Variants in FAM110B observed in about 807,000 individuals in gnomAD.
FAM110B encodes the protein family with sequence similarity 110 member B.
FAM110B carries 6 observed loss-of-function variants against 20.4 expected under a neutral mutation model. The observed-to-expected ratio is 0.29, with a 90% CI of 0.16 to 0.58. The LOEUF (loss-of-function observed/expected upper bound fraction) is 0.58. Among genes scored for constraint, FAM110B ranks in the 20% least tolerant of loss-of-function variants. The pLI, the probability that FAM110B is intolerant of heterozygous loss-of-function variation, is 0.90. For missense variants in FAM110B, 434 were observed against 498.2 expected (o/e 0.87, Z 1.23); for synonymous variants, 226 against 214.1 (o/e 1.06, Z -0.49).
intron 1 of FAM110B, among the ~76,000 whole-genome samples, chr8:58,011,817 G>C (rs1804542024): frequency 6.6e-6 from 1 of 152,158 alleles, no homozygotes. Flanking sequence ...CCCATCCATG[G>C]CTTTGCTTCC....
chr8:58,037,506 T>G (rs142755448), intron 2 of FAM110B, among the ~76,000 whole-genome samples: 233 of 151,806 alleles, frequency 1.5e-3, no homozygotes, highest in Non-Finnish European at 3.0e-3. Flanking sequence ...TAGTGTGTGG[T>G]GCACGCCTAT....
chr8:58,071,132 T>A (rs932045246), intron 2 of FAM110B, among the ~76,000 whole-genome samples: 2 of 152,106 alleles, frequency 1.3e-5, no homozygotes, highest in Admixed American at 6.6e-5. Flanking sequence ...AATTTTTTCC[T>A]GAAAATTGAT....
At chr8:58,015,866 A>G in intron 1 of FAM110B, among the ~76,000 whole-genome samples, 1 of 151,760 alleles carries the variant, frequency 6.6e-6, no homozygotes, top group East Asian at 1.9e-4. Flanking sequence ...AAAAAGAAAA[A>G]GAAAAAAGGC....
chr8:58,060,891 C>A (rs1805644126), intron 2 of FAM110B, among the ~76,000 whole-genome samples: 1 of 152,058 alleles, frequency 6.6e-6, no homozygotes, highest in Non-Finnish European at 1.5e-5. Context: ...TCAGCGAGAC[C>A]CACCATGACT....
At position 58,108,273 on chromosome 8, in the gene FAM110B, A is replaced by G. The variant is rs117772413; in HGVS notation, c.-325+32650A>G. Reference sequence around the variant, plus strand: ...AAAATGTTGATTTTGAAGATCCTTTACTAATTCACAAATTCTGGTTGTTTT... The same window carrying G: ...AAAATGTTGATTTTGAAGATCCTTTGCTAATTCACAAATTCTGGTTGTTTT... On this transcript the variant is annotated intron_variant, in intron 3 of 3. Transcript: ENST00000519262. Among the ~76,000 whole-genome samples the G allele has an allele frequency of 4.9e-3, 742 of 152,340 alleles. 2 individuals carry two copies. The highest frequency in any genetic ancestry group is 8.8e-3 in the Admixed American group (135 of 15,296).
chr8:58,035,505 A>G (rs1411237080), intron 2 of FAM110B, among the ~76,000 whole-genome samples: 1 of 152,234 alleles, frequency 6.6e-6, no homozygotes, highest in Non-Finnish European at 1.5e-5. Context: ...GTTTTAAAGA[A>G]AAGAGTATGC....
intron 3 of FAM110B, among the ~76,000 whole-genome samples, chr8:58,085,220 G>A (rs905820176): frequency 6.6e-6 from 1 of 152,136 alleles, no homozygotes; most frequent in Non-Finnish European, 1.5e-5. Flanking sequence ...TTGTAAAGCT[G>A]ATGCACATGT....
At position 58,031,677 on chromosome 8, in the gene FAM110B, C is replaced by T. The variant is rs1425780163; in HGVS notation, c.-440C>T. 1 of 152,118 alleles carries T rather than the reference C, an allele frequency of 6.6e-6. No individual in the cohort carries two copies. The highest frequency in any genetic ancestry group is 1.5e-5 in the Non-Finnish European group (1 of 68,018). The allele number at this position is 152,118 out of a possible 1,614,324, so 9.4% of individuals were successfully genotyped here. On this transcript the variant is annotated 5_prime_UTR_variant, in exon 2 of 4. Transcript: ENST00000519262. ...GTCTTGAATTAGAAACTATCAAGCT[C>T]TGTAAGTCCTGAAAAGGAAATAAAA...
At chr8:58,092,446 C>G (rs1304134203) in intron 3 of FAM110B, among the ~76,000 whole-genome samples, 2 of 152,132 alleles carry the variant, frequency 1.3e-5, no homozygotes, top group Non-Finnish European at 1.5e-5. Context: ...CTCCCTGTGT[C>G]CATGTGTTCT....
chr8:58,025,879 G>A (rs1386176835), intron 1 of FAM110B, among the ~76,000 whole-genome samples: 1 of 152,046 alleles, frequency 6.6e-6, no homozygotes, highest in Non-Finnish European at 1.5e-5. Flanking sequence ...ATATTTTTAG[G>A]TCCATGTCCT....
At chr8:58,028,908 C>T (rs1474800066) in intron 1 of FAM110B, among the ~76,000 whole-genome samples, 4 of 152,226 alleles carry the variant, frequency 2.6e-5, no homozygotes, top group Admixed American at 2.0e-4. Context: ...GACACACTCA[C>T]AGTTACACTC....
intron 2 of FAM110B, among the ~76,000 whole-genome samples, chr8:58,073,741 G>T (rs1334182243): frequency 6.6e-6 from 1 of 152,196 alleles, no homozygotes; most frequent in Non-Finnish European, 1.5e-5. Context: ...TTGGCTGCAT[G>T]TAGACTCCTG....
chr8:58,058,272 A>C (rs1292806190), intron 2 of FAM110B, among the ~76,000 whole-genome samples: 2 of 152,248 alleles, frequency 1.3e-5, no homozygotes, highest in East Asian at 3.9e-4. Context: ...GATTATTTTT[A>C]AAGACTTCTT....
intron 1 of FAM110B, among the ~76,000 whole-genome samples, chr8:58,004,795 C>T (rs977474627): frequency 6.6e-6 from 1 of 152,168 alleles, no homozygotes; most frequent in Admixed American, 6.5e-5. Flanking sequence ...TTCAATTATT[C>T]CTTTGCAGCT....
chr8:58,062,997 C>T (rs1805688321), intron 2 of FAM110B, among the ~76,000 whole-genome samples: 1 of 152,138 alleles, frequency 6.6e-6, no homozygotes, highest in Non-Finnish European at 1.5e-5. Context: ...CAATTCTGAG[C>T]TGAACTTTTG....
intron 3 of FAM110B, among the ~76,000 whole-genome samples, chr8:58,103,362 C>T (rs1056859295): frequency 6.7e-6 from 1 of 149,162 alleles, no homozygotes; most frequent in African/African-American, 2.5e-5. Context: ...GTGATGTTCC[C>T]CTTCCTGTGT....
chr8:58,129,559 G>C (rs532265582), intron 3 of FAM110B, among the ~76,000 whole-genome samples: 110 of 152,338 alleles, frequency 7.2e-4, no homozygotes, highest in African/African-American at 2.5e-3. Context: ...CTGGAGGAAA[G>C]GAAGGCGCTG....
intron 3 of FAM110B, among the ~76,000 whole-genome samples, chr8:58,125,168 G>T (rs914383767): frequency 1.3e-5 from 2 of 152,042 alleles, no homozygotes; most frequent in Admixed American, 1.3e-4. Flanking sequence ...GAGCAACATG[G>T]CAAGACCCTT....
At chr8:58,068,172 G>C (rs1563357435) in intron 2 of FAM110B, among the ~76,000 whole-genome samples, 1 of 152,230 alleles carries the variant, frequency 6.6e-6, no homozygotes, top group Non-Finnish European at 1.5e-5. Flanking sequence ...CCTTCAGGGA[G>C]CTGTGCCTTA....
Sources: allele counts gnomAD v4.1 joint callset (sites outside exome capture counted in the v4.1 genomes callset), GRCh38; gene constraint gnomAD v4.1.1; transcripts MANE v1.5; gene names NCBI Gene and HGNC (gene_info 2026-07-23, HGNC 2026-07-21).